HJURP: variants seen among roughly 807,000 people sequenced by gnomAD.
HJURP encodes 14-3-3-associated AKT substrate.
In HJURP, 49 loss-of-function variants were observed where a neutral mutation model predicts 72.0. The ratio of observed to expected loss-of-function variants is 0.68; its 90% CI spans 0.54 to 0.86. The LOEUF (loss-of-function observed/expected upper bound fraction) is 0.86, where lower values mean the gene tolerates loss of function less well. Among genes scored for constraint, HJURP ranks in the 40% least tolerant of loss-of-function variants. The probability of loss-of-function intolerance (pLI) is 0.00; values close to 1 mark genes in which losing one functional copy is unlikely to be tolerated. For synonymous variants in HJURP, 357 were observed against 347.1 expected, an observed-to-expected ratio of 1.03 and a Z score of -0.32; for missense variants, 908 against 936.3, an observed-to-expected ratio of 0.97 and a Z score of 0.39.
In HJURP at chr2:233,852,830, C is replaced by G. The variant is rs371543399; in HGVS notation, c.185-210G>C. Among the ~76,000 whole-genome samples the G allele has an allele frequency of 2.0e-5, 3 of 152,200 alleles. No homozygotes were observed. The East Asian group carries it at 5.8e-4, about 29-fold the overall frequency. On this transcript the variant is annotated intron_variant, in intron 2 of 8. Transcript: ENST00000411486. ...CATTCATGGAAATCTCTCCTACCTACTAGAAAACGGCTCATCAAATTACAT... is the reference window on the plus strand; with the variant it reads ...CATTCATGGAAATCTCTCCTACCTAGTAGAAAACGGCTCATCAAATTACAT...
At chr2:233,844,500 T>C (rs905753267) in intron 6 of HJURP, among the ~76,000 whole-genome samples, 1 of 152,166 alleles carries the variant, frequency 6.6e-6, no homozygotes, top group Non-Finnish European at 1.5e-5. Flanking sequence ...CAGGATAGCT[T>C]CCAGCCACAG....
rs1705550918 is a variant in HJURP, at chr2:233,853,821, CAGA to C, written c.184+20_184+22del. On this transcript the variant is annotated intron_variant, in intron 2 of 8. Transcript: ENST00000411486. Reference sequence around the variant, plus strand: ...CATTCACACTCTTCACCCGAATACTCAGAAGGTGGGGAAGACCCTTACCCTGTG... The same window carrying C: ...CATTCACACTCTTCACCCGAATACTCAGGTGGGGAAGACCCTTACCCTGTG... 5 of 1,599,556 alleles carry C rather than the reference CAGA, an allele frequency of 3.1e-6. No individual in the cohort carries two copies. Among genetic ancestry groups the C allele is most frequent in the Non-Finnish European group, 4.3e-6 (5 of 1,167,100 alleles).
chr2:233,843,873 C>T (rs747503400), intron 7 of HJURP, among the ~76,000 whole-genome samples: 7 of 152,162 alleles, frequency 4.6e-5, no homozygotes, highest in Non-Finnish European at 8.8e-5. Flanking sequence ...TGTGTGTGCA[C>T]GTGTGTGGCA....
chr2:233,853,175 C>G (rs1452893822), intron 2 of HJURP, among the ~76,000 whole-genome samples: 1 of 152,150 alleles, frequency 6.6e-6, no homozygotes, highest in Non-Finnish European at 1.5e-5. Context: ...CCTTCTGTGT[C>G]CGTTTAATGC....
At chr2:233,848,805 G>T (rs1040524763) in intron 4 of HJURP, among the ~76,000 whole-genome samples, 1 of 152,074 alleles carries the variant, frequency 6.6e-6, no homozygotes, top group Non-Finnish European at 1.5e-5. Flanking sequence ...GGCTCCACCT[G>T]GGGGAAGGGC....
At chr2:233,843,277 G>A (rs531562062) in intron 7 of HJURP, among the ~76,000 whole-genome samples, 27 of 152,078 alleles carry the variant, frequency 1.8e-4, no homozygotes, top group Non-Finnish European at 3.4e-4. Flanking sequence ...GTCACTGGGT[G>A]AGAAGCTTTT....
intron 3 of HJURP, among the ~76,000 whole-genome samples, chr2:233,851,395 C>T (rs1283481776): frequency 6.6e-6 from 1 of 152,054 alleles, no homozygotes; most frequent in Non-Finnish European, 1.5e-5. Flanking sequence ...TATTTTCGGC[C>T]ACTTTCCTCC....
intron 6 of HJURP, among the ~76,000 whole-genome samples, chr2:233,844,975 TC>T (rs536730161): frequency 9.4e-5 from 10 of 106,152 alleles, no homozygotes; most frequent in African/African-American, 3.6e-4. Context: ...ATCCCCCCCC[TC>T]CCAACATGAC....
intron 3 of HJURP, among the ~76,000 whole-genome samples, chr2:233,852,043 A>G (rs1705508424): frequency 1.3e-5 from 2 of 152,240 alleles, no homozygotes; most frequent in South Asian, 4.1e-4. Flanking sequence ...TCAGAGCGAC[A>G]ACACCCTCGG....
chr2:233,847,405 C>T lies in HJURP; in HGVS notation c.394G>A (p.Ala132Thr). ...TSDQEESVAWALAPAVPQSPL... is the reference protein window; with the variant it reads ...TSDQEESVAWTLAPAVPQSPL... ...CTAAAGGCAGCACTTACTGCTAAGG[C>T]CCAAGCAACTGACTCTTCCTGGTCT... The change falls in exon 5 of 9, where the codon GCC (alanine) becomes ACC (threonine). Residue 132 changes from alanine (A) to threonine (T), a missense_variant. Physicochemically the swap from Ala to Thr is moderately conservative, Grantham distance 58 (BLOSUM62 0). Coordinates refer to ENST00000411486, the MANE Select transcript of HJURP (RefSeq NM_018410.5). 6.2e-7 allele frequency: 1 copy of T among 1,613,774 alleles called. No homozygotes were observed. The highest frequency in any genetic ancestry group is 8.5e-7 in the Non-Finnish European group (1 of 1,179,622).
At chr2:233,853,760 C>T in intron 2 of HJURP, 84 bp downstream of exon 2, 1 of 1,149,192 alleles carries the variant, frequency 8.7e-7, no homozygotes, top group Non-Finnish European at 1.3e-6. Flanking sequence ...ACAATGTTTA[C>T]TTCTTAAGAG....
chr2:233,837,521 C>T lies in HJURP; in HGVS notation c.*56G>A. ...ACAGTCTCAAGAATCAAAAACAAAA[C>T]AAAAATACAAACAGAGAGCAAGTGG... On this transcript the variant is annotated 3_prime_UTR_variant, in exon 9 of 9. Coordinates refer to ENST00000411486, the MANE Select transcript of HJURP (RefSeq NM_018410.5). The T allele has an allele frequency of 1.6e-6, 2 of 1,268,900 alleles. No individual in the cohort carries two copies. Among genetic ancestry groups the T allele is most frequent in the Non-Finnish European group, 2.3e-6 (2 of 873,392 alleles). The allele number at this position is 1,268,900 out of a possible 1,614,324, so 78.6% of individuals were successfully genotyped here. A position where few individuals can be genotyped will look rare whatever the true frequency, so the allele number is the denominator to read the frequency against.
chr2:233,852,705 G>T, intron 2 of HJURP, 85 bp from the exon 3 acceptor site: 2 of 986,476 alleles, frequency 2.0e-6, no homozygotes, highest in Non-Finnish European at 3.2e-6. Flanking sequence ...ATGCCAAAGT[G>T]ACAGGCAAAA....
intron 8 of HJURP, among the ~76,000 whole-genome samples, chr2:233,839,568 C>G (rs543832865): frequency 1.1e-3 from 170 of 152,354 alleles, no homozygotes; most frequent in African/African-American, 4.0e-3. Context: ...CTGCCATGCA[C>G]AGGCGGGACT....
chr2:233,847,276 C>A (rs907588555), intron 5 of HJURP, 121 bp downstream of exon 5: 1 of 745,434 alleles, frequency 1.3e-6, no homozygotes, highest in African/African-American at 1.8e-5. Flanking sequence ...AAGCCAGCCT[C>A]AGGAGAGGAC....
chr2:233,841,241 C>T lies in HJURP; in HGVS notation c.1539G>A (p.Arg513=), dbSNP rs1361795585. 3.1e-6 allele frequency: 5 copies of T among 1,613,968 alleles called. No individual in the cohort carries two copies. In the Admixed American group the frequency reaches 6.7e-5, roughly 22 times the overall value. ...AAGATGAATCGCTCTTGGGCAGGCA[C>T]CTACCTGCTTCCAGAGATCTTTTGC... ...NLGKRSLEAG[R]CLPKSDSSSS... is the part of the protein sequence containing the mutation. Residue 513 remains arginine (R), a synonymous_variant, in exon 8 of 9, where the codon AGG becomes AGA. Coordinates refer to ENST00000411486, the MANE Select transcript of HJURP (RefSeq NM_018410.5).
rs768384741 is a variant in HJURP, at chr2:233,840,894, G to C, written c.1886C>G (p.Pro629Arg). ...QTEGFLGKLN[P>R]DPHFQGFQKL... ...CTGGAAACCCTGGAAGTGAGGGTCT[G>C]GATTTAATTTTCCTAAGAAGCCTTC... The change falls in exon 8 of 9, where the codon CCA (proline) becomes CGA (arginine). Residue 629 changes from proline to arginine, a missense_variant. Physicochemically the swap from Pro to Arg is moderately radical, Grantham distance 103. This residue lies in a region of HJURP where 598 missense variants were observed against 619.5 expected (regional missense o/e 0.97). Coordinates refer to ENST00000411486, the MANE Select transcript of HJURP (RefSeq NM_018410.5). 4 of 1,614,048 alleles carry C rather than the reference G, an allele frequency of 2.5e-6. No homozygotes were observed. The Admixed American group carries it at 6.7e-5, about 27-fold the overall frequency.
chr2:233,843,259 G>A (rs1705276271), intron 7 of HJURP, among the ~76,000 whole-genome samples: 1 of 152,130 alleles, frequency 6.6e-6, no homozygotes, highest in Non-Finnish European at 1.5e-5. Flanking sequence ...CGCATTGCTG[G>A]CTTCTAAGTC....
At position 233,853,897 on chromosome 2, in the gene HJURP, A is replaced by G. The variant is rs1364758245; in HGVS notation, c.131T>C (p.Phe44Ser). The G allele has an allele frequency of 6.2e-7, 1 of 1,614,032 alleles. No homozygotes were observed. Among genetic ancestry groups the G allele is most frequent in the Admixed American group, 1.7e-5 (1 of 60,022 alleles). Residue 44 changes from phenylalanine to serine, a missense_variant, in exon 2 of 9, where the codon TTC (phenylalanine) becomes TCC (serine). Coordinates refer to ENST00000411486, the MANE Select transcript of HJURP (RefSeq NM_018410.5). Reference protein sequence around the residue: ...QRLIEKYNQPFEDTPVVQMAT... With the variant: ...QRLIEKYNQPSEDTPVVQMAT... ...CATTTGCACCACCGGGGTGTCCTCG[A>G]AGGGCTGGTTGTACTGCGGAGGAGG...
Sources: gnomAD v4.1 joint callset for allele counts (sites outside exome capture counted in the v4.1 genomes callset) on GRCh38, gnomAD v4.1.1 for gene constraint, gnomAD v4.1.1 regional missense constraint, MANE v1.5 for transcripts, NCBI Gene and HGNC (gene_info 2026-07-23, HGNC 2026-07-21) for gene names.